Variants in NACC2 observed in about 807,000 individuals in gnomAD.
NACC2 encodes the protein nucleus accumbens-associated protein 2.
Under a neutral mutation model 25.1 loss-of-function variants are expected in NACC2, and 8 were observed. The observed-to-expected ratio is 0.32, with a 90% CI of 0.19 to 0.57. The LOEUF (loss-of-function observed/expected upper bound fraction) is 0.57. NACC2 is among the 20% of genes least tolerant of loss of function. NACC2 has a pLI of 0.89. For synonymous variants in NACC2, 435 were observed against 294.7 expected, an observed-to-expected ratio of 1.48 and a Z score of -4.88; for missense variants, 644 against 650.2, an observed-to-expected ratio of 0.99 and a Z score of 0.10.
chr9:136,030,720 G>GGT (rs1376122251), intron 2 of NACC2, among the ~76,000 whole-genome samples: 2 of 152,122 alleles, frequency 1.3e-5, no homozygotes, highest in Non-Finnish European at 2.9e-5. Context: ...GGAGTGCAGT[G>GGT]GTGTCATCTC....
intron 1 of NACC2, among the ~76,000 whole-genome samples, chr9:136,051,567 G>C (rs1564231721): frequency 6.6e-6 from 1 of 152,068 alleles, no homozygotes; most frequent in East Asian, 1.9e-4. Context: ...GCCGCACAAA[G>C]GCCGCTGTGT....
Position 136,055,305 on chromosome 9 carries a change from C to T in NACC2, c.-59-4725G>A, listed in dbSNP as rs569744030. On this transcript the variant is annotated intron_variant, in intron 1 of 5. Coordinates refer to ENST00000277554, the MANE Select transcript of NACC2 (RefSeq NM_144653.5). The surrounding 1 kb of genome is among the most constrained non-coding windows in gnomAD (Gnocchi z 4.9). ...GAGTGTCGTCCCGGCAGGATTCACA[C>T]AAGGACACAGGTTACAAGGTTGGTG... Among the ~76,000 whole-genome samples the T allele has an allele frequency of 1.3e-5, 2 of 152,256 alleles. No individual in the cohort carries two copies. Among genetic ancestry groups the T allele is most frequent in the South Asian group, 4.1e-4 (2 of 4,830 alleles).
chr9:136,063,896 AAC>A, intron 1 of NACC2, among the ~76,000 whole-genome samples: 4 of 150,012 alleles, frequency 2.7e-5, no homozygotes, highest in Non-Finnish European at 4.5e-5. Flanking sequence ...AAAAAAAAAA[AAC>A]AAAAAAAACA....
At chr9:136,075,397 A>G (rs1261575538) in intron 1 of NACC2, among the ~76,000 whole-genome samples, 1 of 151,336 alleles carries the variant, frequency 6.6e-6, no homozygotes, top group Non-Finnish European at 1.5e-5. Flanking sequence ...CAGGGTGTCC[A>G]CTCTCCCCGG....
In NACC2 at chr9:136,086,862, C is replaced by A. The variant is rs984484396; in HGVS notation, c.-60+8327G>T. 6.6e-6 allele frequency among the ~76,000 whole-genome samples: 1 copy of A among 152,332 alleles called. No individual in the cohort carries two copies. Among genetic ancestry groups the A allele is most frequent in the Non-Finnish European group, 1.5e-5 (1 of 68,034 alleles). On this transcript the variant is annotated intron_variant, in intron 1 of 5. Transcript: ENST00000277554. The surrounding 1 kb of genome is among the most constrained non-coding windows in gnomAD (Gnocchi z 5.6). ...CCACTGTCCTGGGCAAGTGCAGAGCCAGCCCCCCAGTGCCCTCTACGCACT... is the reference window on the plus strand; with the variant it reads ...CCACTGTCCTGGGCAAGTGCAGAGCAAGCCCCCCAGTGCCCTCTACGCACT...
chr9:136,078,049 G>C (rs554448922), intron 1 of NACC2, among the ~76,000 whole-genome samples: 1 of 152,218 alleles, frequency 6.6e-6, no homozygotes, highest in Non-Finnish European at 1.5e-5. Flanking sequence ...TGGGATTATA[G>C]GCATGAGCCA....
chr9:136,092,133 C>G lies in NACC2; in HGVS notation c.-60+3056G>C, dbSNP rs568189373. On this transcript the variant is annotated intron_variant, in intron 1 of 5. Transcript: ENST00000277554. ...GGAGACAAGAGTAGAGAAACGCTGG[C>G]CAAGCTCCCCCACCCAAGGCCCGAC... is the stretch of plus-strand genomic sequence containing the variant. Among the ~76,000 whole-genome samples, 30 of 152,334 alleles carry G rather than the reference C, an allele frequency of 2.0e-4. No individual in the cohort carries two copies. In the South Asian group the frequency reaches 6.2e-3, roughly 32 times the overall value.
At chr9:136,071,575 AG>A (rs1841152941) in intron 1 of NACC2, among the ~76,000 whole-genome samples, 1 of 151,006 alleles carries the variant, frequency 6.6e-6, no homozygotes, top group Non-Finnish European at 1.5e-5. Context: ...AATACCAGCA[AG>A]ACCTTTTGTA....
At chr9:136,047,556 A>C (rs1840749652) in intron 2 of NACC2, among the ~76,000 whole-genome samples, 1 of 152,320 alleles carries the variant, frequency 6.6e-6, no homozygotes, top group African/African-American at 2.4e-5. Context: ...AATGCCGCGC[A>C]GCACCTGCGG....
Position 136,050,222 on chromosome 9 carries a change from G to T in NACC2, c.300C>A (p.Val100=). 1.3e-6 allele frequency: 1 copy of T among 772,560 alleles called. No homozygotes were observed. 47.9% of individuals were successfully genotyped at this position (772,560 alleles called of 1,614,324 possible). A position where few individuals can be genotyped will look rare whatever the true frequency, so the allele number is the denominator to read the frequency against. The part of the protein sequence containing the change: ...LTMTASEQLV[V]MYTAGFLQIQ... ...TCTGCAGGAAGCCGGCCGTGTACAT[G>T]ACCACGAGCTGCTCGCTGGCCGTCA... Residue 100 remains valine (V), a synonymous_variant, in exon 2 of 6, where the codon GTC becomes GTA. Coordinates refer to ENST00000277554, the MANE Select transcript of NACC2 (RefSeq NM_144653.5).
At chr9:136,059,633 G>A (rs1473304383) in intron 1 of NACC2, among the ~76,000 whole-genome samples, 2 of 152,360 alleles carry the variant, frequency 1.3e-5, no homozygotes, top group Non-Finnish European at 2.9e-5. Flanking sequence ...AACCTGAGCA[G>A]GCCGCAGGGC....
At chr9:136,090,524 G>A (rs1009296278) in intron 1 of NACC2, among the ~76,000 whole-genome samples, 9 of 152,094 alleles carry the variant, frequency 5.9e-5, no homozygotes, top group African/African-American at 1.7e-4. Context: ...TGTGGGGTGG[G>A]GGCTGGGTTG....
At chr9:136,094,893 C>T (rs1332789752) in intron 1 of NACC2, among the ~76,000 whole-genome samples, 1 of 150,170 alleles carries the variant, frequency 6.7e-6, no homozygotes, top group Non-Finnish European at 1.5e-5. Context: ...CGCCCGGAGC[C>T]GGGGTCTCCC....
chr9:136,078,008 G>A (rs531244760), intron 1 of NACC2, among the ~76,000 whole-genome samples: 1 of 152,118 alleles, frequency 6.6e-6, no homozygotes, highest in Non-Finnish European at 1.5e-5. Flanking sequence ...TCCTGACCTC[G>A]TGATCCACCC....
chr9:136,069,603 T>C (rs1841127613), intron 1 of NACC2, among the ~76,000 whole-genome samples: 1 of 151,486 alleles, frequency 6.6e-6, no homozygotes, highest in Admixed American at 6.6e-5. Flanking sequence ...ACTTCAAATA[T>C]AATGATATAG....
At chr9:136,064,523 G>A (rs1479498652) in intron 1 of NACC2, among the ~76,000 whole-genome samples, 1 of 152,130 alleles carries the variant, frequency 6.6e-6, no homozygotes, top group Non-Finnish European at 1.5e-5. Flanking sequence ...TACTTTGAAA[G>A]CTTCAAAATT....
intron 1 of NACC2, among the ~76,000 whole-genome samples, chr9:136,077,923 T>G (rs11103313): frequency 0.24 from 36,704 of 152,086 alleles, 4,630 homozygotes; most frequent in East Asian, 0.44. Flanking sequence ...CCAATCATAG[T>G]TTTGTTTTGG....
chr9:136,013,173 C>A lies in NACC2; in HGVS notation c.1255+26G>T. The stretch of plus-strand genomic sequence containing the variant: ...ATCTGAACCCAGCCCCGGCCCCACC[C>A]ACCCGAGAGACCCCCAGGCTCTTAC... On this transcript the variant is annotated intron_variant, in intron 5 of 5. Transcript: ENST00000277554. The surrounding 1 kb of genome is among the most constrained non-coding windows in gnomAD (Gnocchi z 6.6). 6 of 1,281,016 alleles carry A rather than the reference C, an allele frequency of 4.7e-6. No individual in the cohort carries two copies. The South Asian group carries it at 7.2e-5, about 15-fold the overall frequency. 79.4% of individuals were successfully genotyped at this position (1,281,016 alleles called of 1,614,324 possible).
At chr9:136,051,050 G>GGGA (rs1840825739) in intron 1 of NACC2, among the ~76,000 whole-genome samples, 1 of 152,184 alleles carries the variant, frequency 6.6e-6, no homozygotes, top group African/African-American at 2.4e-5. Flanking sequence ...AGGGAGGGGG[G>GGGA]TCTCTGGAGC....
Sources: allele counts gnomAD v4.1 joint callset (sites outside exome capture counted in the v4.1 genomes callset), GRCh38; gene constraint gnomAD v4.1.1; non-coding constraint Gnocchi (gnomAD v3.1); transcripts MANE v1.5; gene names NCBI Gene and HGNC (gene_info 2026-07-23, HGNC 2026-07-21).